The following MEI4 variants were observed in gnomAD, a reference collection of about 807,000 sequenced individuals.
MEI4 encodes the protein meiotic double-stranded break formation protein 4.
In MEI4, 27 loss-of-function variants were observed where a neutral mutation model predicts 31.4. The ratio of observed to expected loss-of-function variants is 0.86; its 90% CI spans 0.63 to 1.19. The LOEUF (loss-of-function observed/expected upper bound fraction) is 1.19. MEI4 is among the 50% of genes most tolerant of loss of function. MEI4 has a pLI of 0.00. For missense variants in MEI4, 329 were observed against 398.9 expected (o/e 0.82, Z 1.49); for synonymous variants, 122 against 145.4 (o/e 0.84, Z 1.16).
intron 3 of MEI4, among the ~76,000 whole-genome samples, chr6:77,808,644 A>C (rs966717410): frequency 1.3e-5 from 2 of 152,174 alleles, no homozygotes; most frequent in Non-Finnish European, 2.9e-5. Context: ...TTTCAGAGAG[A>C]GTTTCATCAC....
At chr6:77,841,244 A>C (rs1770349700) in intron 4 of MEI4, among the ~76,000 whole-genome samples, 1 of 147,610 alleles carries the variant, frequency 6.8e-6, no homozygotes, top group Non-Finnish European at 1.5e-5. Context: ...AGGAATTTTC[A>C]GTTGTATAGC....
chr6:77,712,440 T>C (rs1396478625), intron 2 of MEI4, among the ~76,000 whole-genome samples: 1 of 152,152 alleles, frequency 6.6e-6, no homozygotes, highest in African/African-American at 2.4e-5. Flanking sequence ...CTTTATGGCA[T>C]GAATATCATG....
In MEI4 at chr6:77,923,311, T is replaced by C. The variant is rs767322178; in HGVS notation, c.1123T>C (p.Leu375=). The part of the protein sequence containing the change: ...TFYLWRVGIL[L]SSAQIETLRK ...TTATTTATGGAGAGTGGGCATTCTTTTGAGCTCAGCACAGATAGAAACTCT... is the reference window on the plus strand; with the variant it reads ...TTATTTATGGAGAGTGGGCATTCTTCTGAGCTCAGCACAGATAGAAACTCT... The change falls in exon 5 of 5, where the codon TTG becomes CTG. Residue 375 remains leucine (L), a synonymous_variant. Coordinates refer to ENST00000684080, the MANE Select transcript of MEI4 (RefSeq NM_001322247.2). 1.5e-5 allele frequency: 18 copies of C among 1,230,136 alleles called. No homozygotes were observed. The highest frequency in any genetic ancestry group is 1.8e-5 in the Non-Finnish European group (18 of 986,568). 76.2% of individuals were successfully genotyped at this position (1,230,136 alleles called of 1,614,324 possible).
At chr6:77,717,820 A>G (rs1321455713) in intron 2 of MEI4, among the ~76,000 whole-genome samples, 5 of 126,266 alleles carry the variant, frequency 4.0e-5, no homozygotes, top group East Asian at 4.6e-4. Context: ...AATTTTTCTT[A>G]GTACATAACA....
chr6:77,905,265 C>A (rs1032569524), intron 4 of MEI4, among the ~76,000 whole-genome samples: 8 of 152,036 alleles, frequency 5.3e-5, no homozygotes, highest in Middle Eastern at 6.8e-3. Flanking sequence ...TCTAAAAATT[C>A]TGTTCATAGC....
At chr6:77,852,763 C>G (rs1021963063) in intron 4 of MEI4, among the ~76,000 whole-genome samples, 3 of 151,966 alleles carry the variant, frequency 2.0e-5, no homozygotes, top group Admixed American at 2.0e-4. Flanking sequence ...GGCCTCTCCC[C>G]TTATGACTCT....
intron 3 of MEI4, among the ~76,000 whole-genome samples, chr6:77,809,953 C>T (rs1769535722): frequency 6.6e-6 from 1 of 152,102 alleles, no homozygotes; most frequent in South Asian, 2.1e-4. Flanking sequence ...GATTTCTTTA[C>T]AGTCTATGCT....
At chr6:77,726,227 AGAGCAC>A (rs1391329248) in intron 2 of MEI4, among the ~76,000 whole-genome samples, 1 of 149,154 alleles carries the variant, frequency 6.7e-6, no homozygotes, top group Non-Finnish European at 1.5e-5. Context: ...CACATTTCAG[AGAGCAC>A]GGGGTTGGGG....
chr6:77,908,863 A>G (rs1456803623), intron 4 of MEI4, among the ~76,000 whole-genome samples: 2 of 152,044 alleles, frequency 1.3e-5, no homozygotes, highest in Admixed American at 6.6e-5. Flanking sequence ...GTCCTTAGAT[A>G]CCTACAAAGA....
At chr6:77,737,834 G>A (rs764562139) in intron 2 of MEI4, among the ~76,000 whole-genome samples, 1 of 152,202 alleles carries the variant, frequency 6.6e-6, no homozygotes, top group Non-Finnish European at 1.5e-5. Flanking sequence ...AAACCTTGGA[G>A]ACTGGAGGGT....
At position 77,847,772 on chromosome 6, in the gene MEI4, T is replaced by C. The variant is rs942406089; in HGVS notation, c.900+18710T>C. Among the ~76,000 whole-genome samples, 3 of 152,054 alleles carry C rather than the reference T, an allele frequency of 2.0e-5. No homozygotes were observed. The highest frequency in any genetic ancestry group is 6.6e-5 in the Admixed American group (1 of 15,250). On this transcript the variant is annotated intron_variant, in intron 4 of 4. Coordinates refer to ENST00000684080, the MANE Select transcript of MEI4 (RefSeq NM_001322247.2). The surrounding 1 kb of genome is among the most constrained non-coding windows in gnomAD (Gnocchi z 4.6). ...TACTGAGGTTAGTGAAAATTTCTTA[T>C]TTATTTTTCTATTTATATTACTCAC...
intron 4 of MEI4, among the ~76,000 whole-genome samples, chr6:77,831,880 T>C (rs1209963036): frequency 6.6e-6 from 1 of 152,060 alleles, no homozygotes; most frequent in Non-Finnish European, 1.5e-5. Flanking sequence ...GTAGAAATTA[T>C]AACATTTTTT....
rs531794724 is a variant in MEI4 at position 77,662,973 on chromosome 6, G to T, written c.-15+9881G>T. ...CTGAGCTTGATGGGTGTCAGGGTCA[G>T]TCCAAGTGAAAGTGAAGAGAGGCTG... is the stretch of plus-strand genomic sequence containing the variant. On this transcript the variant is annotated intron_variant, in intron 1 of 4. Transcript: ENST00000684080. 1.4e-4 allele frequency among the ~76,000 whole-genome samples: 22 copies of T among 152,326 alleles called. No individual in the cohort carries two copies. In the East Asian group the frequency reaches 4.3e-3, roughly 29 times the overall value.
intron 1 of MEI4, among the ~76,000 whole-genome samples, chr6:77,686,104 C>T (rs1159484748): frequency 2.6e-5 from 4 of 152,084 alleles, no homozygotes; most frequent in Non-Finnish European, 4.4e-5. Flanking sequence ...ACACTAGCTC[C>T]CTGTGCCTTC....
chr6:77,915,249 A>G (rs1051474806), intron 4 of MEI4, among the ~76,000 whole-genome samples: 2 of 151,924 alleles, frequency 1.3e-5, no homozygotes, highest in African/African-American at 4.8e-5. Context: ...ACCTTTGTGT[A>G]TTTCCATAAT....
At position 77,753,864 on chromosome 6, in the gene MEI4, A is replaced by G. The variant is rs988202615; in HGVS notation, c.233-7266A>G. ...TTGGAACCAACCCAAATACCCATCA[A>G]TGATAGACTGGACAAAGAAAATGTG... On this transcript the variant is annotated intron_variant, in intron 2 of 4. Transcript: ENST00000684080. Among the ~76,000 whole-genome samples the G allele has an allele frequency of 2.6e-5, 4 of 152,312 alleles. No homozygotes were observed. In the South Asian group the frequency reaches 6.2e-4, roughly 24 times the overall value.
rs1766013280 is a variant in MEI4, at chr6:77,893,486, T to A, written c.901-29603T>A. Among the ~76,000 whole-genome samples the A allele has an allele frequency of 2.0e-5, 3 of 152,222 alleles. No homozygotes were observed. In the South Asian group the frequency reaches 6.2e-4, roughly 32 times the overall value. ...TACGGTAACACTTTGGACATAACCG[T>A]CTTATAGACATCTCATATTGTTCTA... is the stretch of plus-strand genomic sequence containing the variant. On this transcript the variant is annotated intron_variant, in intron 4 of 4. Transcript: ENST00000684080.
intron 4 of MEI4, among the ~76,000 whole-genome samples, chr6:77,860,731 A>C (rs949041950): frequency 2.0e-5 from 3 of 152,118 alleles, no homozygotes; most frequent in Non-Finnish European, 4.4e-5. Flanking sequence ...CCAAAATACA[A>C]CTCAAAGCTC....
intron 4 of MEI4, among the ~76,000 whole-genome samples, chr6:77,908,422 T>C (rs2127737718): frequency 6.6e-6 from 1 of 152,178 alleles, no homozygotes; most frequent in East Asian, 1.9e-4. Context: ...TCCCCATTTC[T>C]TGTTTTTGTC....
Sources: allele counts gnomAD v4.1 joint callset (sites outside exome capture counted in the v4.1 genomes callset), GRCh38; gene constraint gnomAD v4.1.1; non-coding constraint Gnocchi (gnomAD v3.1); transcripts MANE v1.5; gene names NCBI Gene and HGNC (gene_info 2026-07-23, HGNC 2026-07-21).